The following STX12 variants were observed in gnomAD, a reference collection of about 807,000 sequenced individuals.
STX12 encodes the protein syntaxin-12.
A neutral mutation model predicts 42.2 loss-of-function variants in STX12; 17 were observed. That is an observed-to-expected ratio of 0.40 (90% CI 0.28 to 0.60). STX12 has a LOEUF of 0.60. Among genes scored for constraint, STX12 ranks in the 20% least tolerant of loss-of-function variants. The probability of loss-of-function intolerance (pLI) is 0.39; values close to 1 mark genes in which losing one functional copy is unlikely to be tolerated. For missense variants in STX12, 297 were observed against 330.9 expected (o/e 0.90, Z 0.79); for synonymous variants, 108 against 116.7 (o/e 0.93, Z 0.48).
At chr1:27,774,471 A>G (rs1160384656) in intron 1 of STX12, among the ~76,000 whole-genome samples, 2 of 152,134 alleles carry the variant, frequency 1.3e-5, no homozygotes, top group Non-Finnish European at 2.9e-5. Flanking sequence ...CTGAATTACA[A>G]TTATATTCTA....
intron 2 of STX12, among the ~76,000 whole-genome samples, chr1:27,790,649 A>C (rs1457876687): frequency 6.6e-6 from 1 of 152,220 alleles, no homozygotes; most frequent in Non-Finnish European, 1.5e-5. Flanking sequence ...TTTAAAGTAT[A>C]TGGAAGGGGG....
chr1:27,788,422 G>C (rs2088713553), intron 1 of STX12, among the ~76,000 whole-genome samples: 1 of 152,194 alleles, frequency 6.6e-6, no homozygotes, highest in Non-Finnish European at 1.5e-5. Context: ...CCTCCTTATT[G>C]ATAGATGATC....
intron 1 of STX12, among the ~76,000 whole-genome samples, chr1:27,777,620 C>G (rs1439497907): frequency 6.6e-6 from 1 of 152,172 alleles, no homozygotes; most frequent in Non-Finnish European, 1.5e-5. Context: ...GACACGGTGA[C>G]TCACGCCTGT....
chr1:27,773,405 TCCA>T lies in STX12; in HGVS notation c.99_101del (p.Ile33_Gln34delinsMet). 1.2e-6 allele frequency: 2 copies of T among 1,613,302 alleles called. No individual in the cohort carries two copies. Among genetic ancestry groups the T allele is most frequent in the Non-Finnish European group, 1.7e-6 (2 of 1,179,678 alleles). On this transcript the variant is annotated inframe_deletion, in exon 1 of 9. Transcript: ENST00000373943. The stretch of plus-strand genomic sequence containing the variant: ...ATCATCCAGACGTGCAGCGGCAACA[TCCA>T]GCGGATCAGCCAAGCCAGTGAGCCG...
In STX12 at chr1:27,793,124, CTG is replaced by C. The variant is rs2088760260; in HGVS notation, c.189-406_189-405del. 2.6e-5 allele frequency among the ~76,000 whole-genome samples: 4 copies of C among 152,354 alleles called. No individual in the cohort carries two copies. The South Asian group carries it at 8.3e-4, about 32-fold the overall frequency. On this transcript the variant is annotated intron_variant, in intron 2 of 8. Transcript: ENST00000373943. Reference sequence around the variant, plus strand: ...TTTAATGCACATTTCATCTAACTGTCTGTGCCTAGATTCTAGTCAGTGGACTG... The same window carrying C: ...TTTAATGCACATTTCATCTAACTGTCTGCCTAGATTCTAGTCAGTGGACTG...
intron 3 of STX12, among the ~76,000 whole-genome samples, chr1:27,800,432 T>G (rs577042708): frequency 4.0e-5 from 6 of 151,842 alleles, no homozygotes; most frequent in Non-Finnish European, 7.4e-5. Flanking sequence ...CTGTTTGAGG[T>G]CAGGGGTGAG....
Position 27,773,243 on chromosome 1 carries a change from G to T in STX12, c.-65G>T. On this transcript the variant is annotated 5_prime_UTR_variant, in exon 1 of 9. Transcript: ENST00000373943. Reference sequence around the variant, plus strand: ...TCCCAGTTTCTCCGTCAGCCTGCGGGTCCCGGCTGGCGGCTGCTTCCGGTA... The same window carrying T: ...TCCCAGTTTCTCCGTCAGCCTGCGGTTCCCGGCTGGCGGCTGCTTCCGGTA... The T allele has an allele frequency of 9.1e-6, 10 of 1,097,202 alleles. No homozygotes were observed. Among genetic ancestry groups the T allele is most frequent in the Non-Finnish European group, 1.3e-5 (10 of 740,868 alleles). 68.0% of individuals were successfully genotyped at this position (1,097,202 alleles called of 1,614,324 possible).
chr1:27,810,383 C>A, intron 5 of STX12, 94 bp downstream of exon 5: 3 of 1,213,396 alleles, frequency 2.5e-6, no homozygotes, highest in South Asian at 1.3e-5. Context: ...AAATAGAGGG[C>A]AAAAATAAGG....
rs551305575 is a variant in STX12 at position 27,823,721 on chromosome 1, C to A, written c.*1392C>A. ...AGCAAGGGCCCAAATGCATAAGTTTCTTTGCACTGTTGCACTTACTTAATA... is the reference window on the plus strand; with the variant it reads ...AGCAAGGGCCCAAATGCATAAGTTTATTTGCACTGTTGCACTTACTTAATA... On this transcript the variant is annotated 3_prime_UTR_variant, in exon 9 of 9. Coordinates refer to ENST00000373943, the MANE Select transcript of STX12 (RefSeq NM_177424.3). The A allele has an allele frequency of 1.2e-4, 19 of 152,744 alleles. No homozygotes were observed. The highest frequency in any genetic ancestry group is 6.8e-3 in the Middle Eastern group (2 of 294). 9.5% of individuals were successfully genotyped at this position (152,744 alleles called of 1,614,324 possible).
chr1:27,801,614 G>A (rs2088828927), intron 3 of STX12, 64 bp from the exon 4 acceptor site: 1 of 1,423,112 alleles, frequency 7.0e-7, no homozygotes, highest in East Asian at 2.7e-5. Flanking sequence ...TACTTTTAAG[G>A]GAAATTAAAA....
At chr1:27,810,752 C>T (rs1199616095) in intron 5 of STX12, among the ~76,000 whole-genome samples, 3 of 152,156 alleles carry the variant, frequency 2.0e-5, no homozygotes, top group African/African-American at 7.2e-5. Flanking sequence ...CCAAACTAAT[C>T]ACATGGAAGT....
intron 4 of STX12, among the ~76,000 whole-genome samples, chr1:27,806,291 C>T (rs1287993649): frequency 6.6e-6 from 1 of 151,982 alleles, no homozygotes; most frequent in Admixed American, 6.6e-5. Flanking sequence ...TGCCAAATAC[C>T]CATCTGAAAA....
intron 1 of STX12, among the ~76,000 whole-genome samples, chr1:27,783,363 C>T (rs569992714): frequency 4.6e-5 from 7 of 152,124 alleles, no homozygotes; most frequent in African/African-American, 9.6e-5. Flanking sequence ...GAGATGGAGT[C>T]GCGCTCTGTT....
intron 2 of STX12, among the ~76,000 whole-genome samples, chr1:27,792,072 A>G (rs1322331202): frequency 7.0e-6 from 1 of 142,630 alleles, no homozygotes; most frequent in Non-Finnish European, 1.5e-5. Flanking sequence ...TATATATAAA[A>G]TATAAATATA....
At chr1:27,796,707 T>G (rs2088787995) in intron 3 of STX12, among the ~76,000 whole-genome samples, 2 of 151,858 alleles carry the variant, frequency 1.3e-5, no homozygotes, top group South Asian at 4.2e-4. Context: ...TAAAGAGTTT[T>G]TTTTTTTTTT....
chr1:27,811,428 G>A (rs2088903202), intron 5 of STX12, among the ~76,000 whole-genome samples: 1 of 151,612 alleles, frequency 6.6e-6, no homozygotes, highest in African/African-American at 2.4e-5. Flanking sequence ...AACAAAGCAA[G>A]ACCCCCATTT....
intron 6 of STX12, among the ~76,000 whole-genome samples, chr1:27,815,519 C>T (rs1188105613): frequency 1.3e-5 from 2 of 152,184 alleles, no homozygotes; most frequent in Non-Finnish European, 2.9e-5. Context: ...TTTCTCCACA[C>T]CTTTCTATAC....
intron 1 of STX12, among the ~76,000 whole-genome samples, chr1:27,774,208 G>A (rs1378921764): frequency 2.0e-5 from 3 of 152,138 alleles, no homozygotes; most frequent in Admixed American, 6.5e-5. Context: ...AGTAAGGCAT[G>A]GTAGAGTTGT....
intron 6 of STX12, among the ~76,000 whole-genome samples, chr1:27,814,461 A>G (rs971051808): frequency 2.6e-5 from 4 of 152,106 alleles, no homozygotes; most frequent in Admixed American, 6.6e-5. Flanking sequence ...CCAGGAGATC[A>G]AGGCTGCAGT....
Sources: allele counts gnomAD v4.1 joint callset (sites outside exome capture counted in the v4.1 genomes callset), GRCh38; gene constraint gnomAD v4.1.1; transcripts MANE v1.5; gene names NCBI Gene and HGNC (gene_info 2026-07-23, HGNC 2026-07-21).